Variants in ARHGAP6 observed in about 807,000 individuals in gnomAD.
ARHGAP6 encodes rho GTPase-activating protein 6.
A neutral mutation model predicts 55.7 loss-of-function variants in ARHGAP6; 16 were observed. That is an observed-to-expected ratio of 0.29 (90% CI 0.19 to 0.44). The LOEUF (loss-of-function observed/expected upper bound fraction) is 0.44. Ranked by LOEUF, ARHGAP6 falls within the 20% of genes least tolerant of loss-of-function variation. ARHGAP6 has a pLI of 1.00. For synonymous variants in ARHGAP6, 382 were observed against 360.9 expected, an observed-to-expected ratio of 1.06 and a Z score of -0.66; for missense variants, 698 against 808.9, an observed-to-expected ratio of 0.86 and a Z score of 1.66.
chrX:11,304,720 G>C (rs1273607513), intron 1 of ARHGAP6, among the ~76,000 whole-genome samples: 2 of 106,431 alleles, frequency 1.9e-5, no homozygotes, highest in African/African-American at 6.9e-5. Context: ...TGTCACTCTG[G>C]CATTGGCACA....
At position 11,588,463 on chromosome X, in the gene ARHGAP6, T is replaced by A. The variant is rs73501044; in HGVS notation, c.588+75778A>T. On this transcript the variant is annotated intron_variant, in intron 1 of 12. Coordinates refer to ENST00000337414, the MANE Select transcript of ARHGAP6 (RefSeq NM_013427.3). ...AAACATCTGCCTACCCAAAAACTTA[T>A]ACATAAATGTTCATAGCAGCATTAT... is the stretch of plus-strand genomic sequence containing the variant. Among the ~76,000 whole-genome samples, 305 of 112,213 alleles carry A rather than the reference T, an allele frequency of 2.7e-3. 1 individual carries two copies. The highest frequency in any genetic ancestry group is 8.1e-3 in the African/African-American group (249 of 30,891).
intron 2 of ARHGAP6, among the ~76,000 whole-genome samples, chrX:11,213,896 T>C (rs2046841453): frequency 8.9e-6 from 1 of 112,102 alleles, no homozygotes. Context: ...AATAAATACA[T>C]GAATAAATGT....
At chrX:11,379,032 A>G (rs987154490) in intron 1 of ARHGAP6, among the ~76,000 whole-genome samples, 7 of 112,000 alleles carry the variant, frequency 6.3e-5, no homozygotes, top group African/African-American at 2.0e-4. Flanking sequence ...GAAGCTGGAG[A>G]GTGGTTGATC....
At chrX:11,540,846 G>T (rs1318512582) in intron 1 of ARHGAP6, among the ~76,000 whole-genome samples, 1 of 112,200 alleles carries the variant, frequency 8.9e-6, no homozygotes, top group Non-Finnish European at 1.9e-5. Flanking sequence ...ATTTAAGAAC[G>T]GCATGGAAGT....
At chrX:11,387,732 T>C (rs2147732720) in intron 1 of ARHGAP6, among the ~76,000 whole-genome samples, 1 of 110,152 alleles carries the variant, frequency 9.1e-6, no homozygotes, top group African/African-American at 3.3e-5. Context: ...GGCCCCGGTG[T>C]GTGATGTTCC....
At position 11,404,186 on chromosome X, in the gene ARHGAP6, C is replaced by T. The variant is rs750176263; in HGVS notation, c.589-149479G>A. 5.4e-5 allele frequency among the ~76,000 whole-genome samples: 6 copies of T among 111,682 alleles called. No homozygotes were observed. The East Asian group carries it at 1.7e-3, about 32-fold the overall frequency. On this transcript the variant is annotated intron_variant, in intron 1 of 12. Transcript: ENST00000337414. ...CTCATCTCTCTGATGAGCCTCTCCACTCTTTGCATCTCCCATTGCTAATCT... is the reference window on the plus strand; with the variant it reads ...CTCATCTCTCTGATGAGCCTCTCCATTCTTTGCATCTCCCATTGCTAATCT...
chrX:11,642,575 T>C (rs2052485844), intron 1 of ARHGAP6, among the ~76,000 whole-genome samples: 1 of 112,183 alleles, frequency 8.9e-6, no homozygotes, highest in Admixed American at 9.5e-5. Context: ...TAAGATGTGG[T>C]CTATCCACAC....
At chrX:11,342,528 A>G in intron 1 of ARHGAP6, among the ~76,000 whole-genome samples, 2 of 112,090 alleles carry the variant, frequency 1.8e-5, no homozygotes, top group Non-Finnish European at 3.8e-5. Context: ...TAGCTATTTA[A>G]GTAAATTCAA....
At chrX:11,499,163 C>T (rs978112549) in intron 1 of ARHGAP6, among the ~76,000 whole-genome samples, 3 of 112,057 alleles carry the variant, frequency 2.7e-5, no homozygotes, top group Non-Finnish European at 5.6e-5. Flanking sequence ...CAAGTGAAAA[C>T]GAAAACATGC....
chrX:11,306,410 G>A (rs1339801484), intron 1 of ARHGAP6, among the ~76,000 whole-genome samples: 1 of 112,635 alleles, frequency 8.9e-6, no homozygotes, highest in East Asian at 2.8e-4. Flanking sequence ...TGCTCAATGA[G>A]CCATCATTAG....
In ARHGAP6 at chrX:11,664,987, G is replaced by C. The variant is rs2052741927; in HGVS notation, c.-159C>G. The C allele has an allele frequency of 4.2e-6, 2 of 471,695 alleles. No individual in the cohort carries two copies. The highest frequency in any genetic ancestry group is 6.7e-6 in the Non-Finnish European group (2 of 299,449). 38.9% of individuals were successfully genotyped at this position (471,695 alleles called of 1,213,427 possible). On this transcript the variant is annotated 5_prime_UTR_variant, in exon 1 of 13. Transcript: ENST00000337414. ...AGCAAAGCCCAGCTCACGCGCCGCC[G>C]GTGCGCTCCAAGTGCCCCGGCGGCG...
intron 9 of ARHGAP6, chrX:11,169,221 C>G: frequency 4.2e-6 from 1 of 235,715 alleles, no homozygotes; most frequent in Admixed American, 6.9e-5. Flanking sequence ...ATGTCTTGAG[C>G]AAGGACACTG....
At chrX:11,376,458 A>C (rs984917150) in intron 1 of ARHGAP6, among the ~76,000 whole-genome samples, 2 of 112,992 alleles carry the variant, frequency 1.8e-5, no homozygotes, top group East Asian at 5.6e-4. Flanking sequence ...AGAAGGGCAC[A>C]AAAGCCAATG....
At chrX:11,285,161 A>ATTT (rs1237627803) in intron 1 of ARHGAP6, among the ~76,000 whole-genome samples, 2 of 80,555 alleles carry the variant, frequency 2.5e-5, no homozygotes, top group African/African-American at 1.1e-4. Context: ...AACCACACAG[A>ATTT]TTGTTTTTTT....
intron 1 of ARHGAP6, among the ~76,000 whole-genome samples, chrX:11,458,983 G>T (rs2050219228): frequency 9.0e-6 from 1 of 110,703 alleles, no homozygotes; most frequent in Admixed American, 9.7e-5. Flanking sequence ...ATGTGGTCAG[G>T]GTAGGCTTCA....
chrX:11,190,629 T>C (rs763193676), intron 3 of ARHGAP6, among the ~76,000 whole-genome samples: 31 of 109,601 alleles, frequency 2.8e-4, no homozygotes, highest in African/African-American at 1.0e-3. Context: ...GACAGCTACA[T>C]GAAATAACAG....
intron 1 of ARHGAP6, among the ~76,000 whole-genome samples, chrX:11,405,314 A>T (rs2049597860): frequency 8.9e-6 from 1 of 111,779 alleles, no homozygotes; most frequent in Admixed American, 9.5e-5. Context: ...CTCCATCCTT[A>T]GTTCTCAAAA....
At chrX:11,393,708 T>C (rs1348322807) in intron 1 of ARHGAP6, among the ~76,000 whole-genome samples, 1 of 111,623 alleles carries the variant, frequency 9.0e-6, no homozygotes, top group African/African-American at 3.3e-5. Context: ...GGAAATCAAG[T>C]ATTGGAGAGA....
intron 1 of ARHGAP6, among the ~76,000 whole-genome samples, chrX:11,335,393 C>A (rs2048619781): frequency 9.0e-6 from 1 of 110,825 alleles, no homozygotes; most frequent in South Asian, 3.9e-4. Context: ...CGTGACAGGC[C>A]CCGGTGTGTA....
Sources: allele counts gnomAD v4.1 joint callset (sites outside exome capture counted in the v4.1 genomes callset), GRCh38; gene constraint gnomAD v4.1.1; transcripts MANE v1.5; gene names NCBI Gene and HGNC (gene_info 2026-07-23, HGNC 2026-07-21).